NDC1: variants seen among roughly 807,000 people sequenced by gnomAD.
The protein encoded by NDC1 is NDC1 transmembrane nucleoporin.
A neutral mutation model predicts 89.8 loss-of-function variants in NDC1; 24 were observed. The ratio of observed to expected loss-of-function variants is 0.27; its 90% CI spans 0.19 to 0.38. NDC1 has a LOEUF of 0.38. NDC1 is among the 10% of genes least tolerant of loss of function. NDC1 has a pLI of 1.00. For synonymous variants in NDC1, 296 were observed against 284.8 expected (o/e 1.04, Z -0.39); for missense variants, 728 against 797.6 (o/e 0.91, Z 1.05).
intron 8 of NDC1, 129 bp from the exon 9 acceptor site, chr1:53,806,646 G>A (rs1570203793): frequency 6.5e-6 from 3 of 464,856 alleles, no homozygotes. Flanking sequence ...TGCAAAGACA[G>A]GTTAAAGTTA....
At chr1:53,823,244 C>A (rs921765757) in intron 5 of NDC1, among the ~76,000 whole-genome samples, 5 of 152,310 alleles carry the variant, frequency 3.3e-5, no homozygotes, top group Admixed American at 6.5e-5. Flanking sequence ...GAGAACAGCG[C>A]CCACCTGGGC....
At chr1:53,787,802 CATTCT>C (rs1647353146) in intron 15 of NDC1, among the ~76,000 whole-genome samples, 1 of 148,600 alleles carries the variant, frequency 6.7e-6, no homozygotes. Context: ...TCTGGCTTTA[CATTCT>C]ATTAGGAAGA....
At position 53,798,611 on chromosome 1, in the gene NDC1, G is replaced by A. The variant is rs982558693; in HGVS notation, c.1223-1467C>T. Reference sequence around the variant, plus strand: ...ACTCTGTCACCCAGACTGGAGTGCAGTGGCATGATCTCAGCTCACTGCAAC... The same window carrying A: ...ACTCTGTCACCCAGACTGGAGTGCAATGGCATGATCTCAGCTCACTGCAAC... On this transcript the variant is annotated intron_variant, in intron 11 of 17. Transcript: ENST00000371429. Among the ~76,000 whole-genome samples the A allele has an allele frequency of 2.7e-5, 4 of 148,310 alleles. No individual in the cohort carries two copies. The Admixed American group carries it at 2.7e-4, about 10-fold the overall frequency.
At chr1:53,799,618 T>C (rs1423125126) in intron 11 of NDC1, among the ~76,000 whole-genome samples, 3 of 152,168 alleles carry the variant, frequency 2.0e-5, no homozygotes, top group African/African-American at 7.2e-5. Flanking sequence ...TTCAGGCTTC[T>C]CTTTTTTAAA....
chr1:53,829,240 T>C lies in NDC1; in HGVS notation c.281-1067A>G, dbSNP rs537454696. Among the ~76,000 whole-genome samples, 14 of 152,208 alleles carry C rather than the reference T, an allele frequency of 9.2e-5. No individual in the cohort carries two copies. The East Asian group carries it at 2.7e-3, about 29-fold the overall frequency. On this transcript the variant is annotated intron_variant, in intron 3 of 17. Transcript: ENST00000371429. ...AGAAAATTAAGTATGAAGGGACAAGTTTCAGGTGCTTTATACTTTGAGGAA... is the reference window on the plus strand; with the variant it reads ...AGAAAATTAAGTATGAAGGGACAAGCTTCAGGTGCTTTATACTTTGAGGAA...
intron 16 of NDC1, among the ~76,000 whole-genome samples, chr1:53,775,955 C>CTTT (rs1204999638): frequency 5.9e-5 from 8 of 135,628 alleles, no homozygotes; most frequent in South Asian, 2.3e-4. Context: ...TCTGAAATTC[C>CTTT]TTTTTTTTTT....
intron 7 of NDC1, among the ~76,000 whole-genome samples, chr1:53,808,432 C>T (rs569610648): frequency 6.6e-6 from 1 of 152,326 alleles, no homozygotes; most frequent in Non-Finnish European, 1.5e-5. Context: ...ATCCCACCAG[C>T]GGTTTCCTCA....
rs1647063845 is a variant in NDC1 at position 53,766,113 on chromosome 1, A to G, written c.*1857T>C. The G allele has an allele frequency of 6.6e-6, 1 of 152,246 alleles. No individual in the cohort carries two copies. Among genetic ancestry groups the G allele is most frequent in the South Asian group, 2.1e-4 (1 of 4,834 alleles). The allele number at this position is 152,246 out of a possible 1,614,324, so 9.4% of individuals were successfully genotyped here. On this transcript the variant is annotated 3_prime_UTR_variant, in exon 18 of 18. Transcript: ENST00000371429. The stretch of plus-strand genomic sequence containing the variant: ...AGAGAAAACAGGAATGAACATTCTC[A>G]GAAACATTCACATTGCTCATCAAAT...
At chr1:53,810,183 A>C (rs1648256074) in intron 6 of NDC1, among the ~76,000 whole-genome samples, 1 of 152,208 alleles carries the variant, frequency 6.6e-6, no homozygotes, top group Non-Finnish European at 1.5e-5. Context: ...ACAGACACAG[A>C]CAGCAAAGCA....
chr1:53,835,873 A>G (rs1329744052), intron 1 of NDC1, among the ~76,000 whole-genome samples: 1 of 152,180 alleles, frequency 6.6e-6, no homozygotes, highest in Non-Finnish European at 1.5e-5. Flanking sequence ...GCATTGATTT[A>G]CAGCTGTTTT....
chr1:53,820,568 C>T (rs754352653), intron 5 of NDC1, among the ~76,000 whole-genome samples: 1 of 152,036 alleles, frequency 6.6e-6, no homozygotes, highest in East Asian at 1.9e-4. Context: ...AAAAACTACA[C>T]GTTTTCTGAA....
At chr1:53,800,643 T>G (rs1316802378) in intron 11 of NDC1, 50 bp downstream of exon 11, 1 of 1,598,944 alleles carries the variant, frequency 6.3e-7, no homozygotes, top group East Asian at 2.2e-5. Context: ...TCATCTTTCT[T>G]AGGAAATAAA....
At position 53,797,094 on chromosome 1, in the gene NDC1, C is replaced by A. The variant is rs1359144172; in HGVS notation, c.1273G>T (p.Val425Leu). The part of the protein sequence containing the change: ...PKSSQMPRPS[V>L]PPLVKTSLFS... The stretch of plus-strand genomic sequence containing the variant: ...AGTGATGTTTTAACTAATGGTGGCA[C>A]TGAAGGCCGAGGCATCTGGCTAGAT... Residue 425 changes from valine (V) to leucine (L), a missense_variant, in exon 12 of 18, where the codon GTG (valine) becomes TTG (leucine). Transcript: ENST00000371429. 1 of 1,614,028 alleles carries A rather than the reference C, an allele frequency of 6.2e-7. No individual in the cohort carries two copies. Among genetic ancestry groups the A allele is most frequent in the East Asian group, 2.2e-5 (1 of 44,888 alleles).
intron 11 of NDC1, among the ~76,000 whole-genome samples, chr1:53,799,260 T>C (rs1647827923): frequency 6.6e-6 from 1 of 152,228 alleles, no homozygotes; most frequent in Admixed American, 6.5e-5. Context: ...TTGTGTGCCT[T>C]CCACTAAAAG....
At position 53,766,376 on chromosome 1, in the gene NDC1, A is replaced by G. The variant is rs1647066261; in HGVS notation, c.*1594T>C. 1 of 152,214 alleles carries G rather than the reference A, an allele frequency of 6.6e-6. No homozygotes were observed. Among genetic ancestry groups the G allele is most frequent in the Non-Finnish European group, 1.5e-5 (1 of 68,034 alleles). The allele number at this position is 152,214 out of a possible 1,614,324, so 9.4% of individuals were successfully genotyped here. A position where few individuals can be genotyped will look rare whatever the true frequency, so the allele number is the denominator to read the frequency against. ...AAAGCTTAATTGTGTTAATACATGG[A>G]AGACAACAGTTCTCAGTCAACCTAG... On this transcript the variant is annotated 3_prime_UTR_variant, in exon 18 of 18. Coordinates refer to ENST00000371429, the MANE Select transcript of NDC1 (RefSeq NM_018087.5).
chr1:53,773,029 C>A (rs1349023798), intron 16 of NDC1, among the ~76,000 whole-genome samples: 1 of 147,482 alleles, frequency 6.8e-6, no homozygotes, highest in Non-Finnish European at 1.5e-5. Flanking sequence ...AGCTTGAAGT[C>A]AAACACTGAT....
At chr1:53,822,697 T>C (rs968522448) in intron 5 of NDC1, among the ~76,000 whole-genome samples, 1 of 151,926 alleles carries the variant, frequency 6.6e-6, no homozygotes, top group Non-Finnish European at 1.5e-5. Flanking sequence ...AATAAAAATA[T>C]TATCACTTTG....
chr1:53,806,435 G>C lies in NDC1; in HGVS notation c.974C>G (p.Pro325Arg), dbSNP rs151124002. The change falls in exon 9 of 18, where the codon CCC becomes CGC. Residue 325 changes from proline to arginine, a missense_variant. By Grantham distance (103) the Pro-to-Arg change is moderately radical (BLOSUM62 -2). Coordinates refer to ENST00000371429, the MANE Select transcript of NDC1 (RefSeq NM_018087.5). ...LPKVLNSNPP[P>R]IIKYLALQDL... ...ACACAGTTTGGATACCTTTATGATG[G>C]GGGGAGGATTGCTATTTAACACTTT... The C allele has an allele frequency of 6.5e-7, 1 of 1,535,840 alleles. No homozygotes were observed.
rs766466188 is a variant in NDC1 at position 53,819,004 on chromosome 1, C to T, written c.670G>A (p.Val224Ile). The T allele has an allele frequency of 8.3e-6, 13 of 1,568,646 alleles. No homozygotes were observed. Among genetic ancestry groups the T allele is most frequent in the African/African-American group, 1.4e-5 (1 of 72,198 alleles). Reference sequence around the variant, plus strand: ...TAATATAAAATGCAGAAATTTCTAACCAGGAACAGTGATTCCACACAACTG... The same window carrying T: ...TAATATAAAATGCAGAAATTTCTAATCAGGAACAGTGATTCCACACAACTG... ...KHSCVESLFL[V>I]RNFCILYYFL... Residue 224 changes from valine to isoleucine, a missense_variant, in exon 6 of 18, where the codon GTT becomes ATT. By Grantham distance (29) the Val-to-Ile change is conservative. Coordinates refer to ENST00000371429, the MANE Select transcript of NDC1 (RefSeq NM_018087.5).
Sources: gnomAD v4.1 joint callset for allele counts (sites outside exome capture counted in the v4.1 genomes callset) on GRCh38, gnomAD v4.1.1 for gene constraint, MANE v1.5 for transcripts, NCBI Gene and HGNC (gene_info 2026-07-23, HGNC 2026-07-21) for gene names.